The following GABRG3 variants were observed in gnomAD, a reference collection of about 807,000 sequenced individuals.
GABRG3 encodes gamma-aminobutyric acid type A receptor subunit gamma3.
A neutral mutation model predicts 48.8 loss-of-function variants in GABRG3; 25 were observed. The observed-to-expected ratio is 0.51, with a 90% CI of 0.37 to 0.72. The LOEUF is 0.72. GABRG3 is among the 30% of genes least tolerant of loss of function. The probability of loss-of-function intolerance (pLI) is 0.00; values close to 1 mark genes in which losing one functional copy is unlikely to be tolerated. For synonymous variants in GABRG3, 227 were observed against 217.6 expected (o/e 1.04, Z -0.38); for missense variants, 394 against 577.9 (o/e 0.68, Z 3.26).
chr15:27,449,343 G>T (rs1366003237), intron 5 of GABRG3, among the ~76,000 whole-genome samples: 1 of 152,120 alleles, frequency 6.6e-6, no homozygotes, highest in African/African-American at 2.4e-5. Context: ...GAAGCCCGGA[G>T]AATTCAATCA....
chr15:27,491,845 C>G (rs1380985123), intron 6 of GABRG3, among the ~76,000 whole-genome samples: 2 of 152,182 alleles, frequency 1.3e-5, no homozygotes, highest in African/African-American at 4.8e-5. Flanking sequence ...TCCCTGTAGT[C>G]GTACTTCAAA....
chr15:26,987,924 A>C (rs560570175), intron 2 of GABRG3, among the ~76,000 whole-genome samples: 1 of 152,286 alleles, frequency 6.6e-6, no homozygotes, highest in Non-Finnish European at 1.5e-5. Flanking sequence ...TGACCAATGT[A>C]GTATTTAGTG....
At position 27,077,778 on chromosome 15, in the gene GABRG3, G is replaced by C. The variant is rs181961959; in HGVS notation, c.270+50957G>C. Among the ~76,000 whole-genome samples the C allele has an allele frequency of 2.0e-5, 3 of 152,302 alleles. No individual in the cohort carries two copies. In the East Asian group the frequency reaches 5.8e-4, roughly 29 times the overall value. The stretch of plus-strand genomic sequence containing the variant: ...AGATTACTCTGGAAATGAAAGGAAG[G>C]ACTTTTTTTCTCTCTTGTCCTAAAC... On this transcript the variant is annotated intron_variant, in intron 3 of 9. Coordinates refer to ENST00000615808, the MANE Select transcript of GABRG3 (RefSeq NM_033223.5).
chr15:27,313,179 C>CATAT (rs370992378), intron 3 of GABRG3, among the ~76,000 whole-genome samples: 1 of 132,154 alleles, frequency 7.6e-6, no homozygotes, highest in East Asian at 2.2e-4. Flanking sequence ...TCAGCAGAAA[C>CATAT]ATATATATAT....
intron 3 of GABRG3, among the ~76,000 whole-genome samples, chr15:27,323,140 G>T (rs530068532): frequency 2.0e-5 from 3 of 152,288 alleles, no homozygotes; most frequent in African/African-American, 7.2e-5. Context: ...GTCACTCTTT[G>T]CCTTACCCTG....
intron 3 of GABRG3, among the ~76,000 whole-genome samples, chr15:27,135,911 AAAAC>A (rs1405809021): frequency 2.0e-5 from 3 of 152,200 alleles, no homozygotes; most frequent in Non-Finnish European, 4.4e-5. Context: ...TCTCCAAAAC[AAAAC>A]AAACAAAAAA....
intron 3 of GABRG3, among the ~76,000 whole-genome samples, chr15:27,279,494 C>G (rs1891364566): frequency 1.3e-5 from 2 of 152,164 alleles, no homozygotes; most frequent in African/African-American, 4.8e-5. Flanking sequence ...TATCCAAGTG[C>G]TCCAGCACCA....
chr15:27,050,178 A>G (rs1406161125), intron 3 of GABRG3, among the ~76,000 whole-genome samples: 1 of 152,238 alleles, frequency 6.6e-6, no homozygotes, highest in Non-Finnish European at 1.5e-5. Flanking sequence ...GGACTGAGAT[A>G]GTCTCCACAT....
intron 3 of GABRG3, among the ~76,000 whole-genome samples, chr15:27,268,925 C>T (rs1229402232): frequency 6.6e-6 from 1 of 152,164 alleles, no homozygotes; most frequent in African/African-American, 2.4e-5. Flanking sequence ...ATAGGGGTCA[C>T]CTCCTTTGAT....
intron 3 of GABRG3, among the ~76,000 whole-genome samples, chr15:27,324,794 G>C (rs944463452): frequency 5.3e-5 from 8 of 152,218 alleles, no homozygotes; most frequent in Non-Finnish European, 7.3e-5. Context: ...CTGCAGGCCA[G>C]CACCTCTCCC....
intron 5 of GABRG3, among the ~76,000 whole-genome samples, chr15:27,408,003 G>C (rs1247940701): frequency 6.6e-6 from 1 of 152,196 alleles, no homozygotes; most frequent in Admixed American, 6.5e-5. Context: ...CACCACTCTG[G>C]TGTGGGATGT....
intron 6 of GABRG3, among the ~76,000 whole-genome samples, chr15:27,519,557 A>G (rs1004074322): frequency 6.6e-6 from 1 of 152,230 alleles, no homozygotes; most frequent in African/African-American, 2.4e-5. Context: ...GTAAGATATG[A>G]TAGCTTTGTT....
chr15:27,058,183 A>G (rs538207622), intron 3 of GABRG3, among the ~76,000 whole-genome samples: 13 of 152,314 alleles, frequency 8.5e-5, no homozygotes, highest in African/African-American at 2.9e-4. Flanking sequence ...ATCAGAACAC[A>G]TGGATCTTAA....
At chr15:27,074,435 T>G (rs1481166162) in intron 3 of GABRG3, among the ~76,000 whole-genome samples, 1 of 151,814 alleles carries the variant, frequency 6.6e-6, no homozygotes, top group African/African-American at 2.4e-5. Flanking sequence ...TAGAAGCATG[T>G]CTCACACGCT....
At chr15:27,172,015 A>AAC (rs1308081074) in intron 3 of GABRG3, among the ~76,000 whole-genome samples, 1 of 105,488 alleles carries the variant, frequency 9.5e-6, no homozygotes, top group East Asian at 2.3e-4. Flanking sequence ...AACGGGGCCA[A>AAC]ACTTACTTTA....
chr15:27,518,099 C>T (rs1891065799), intron 6 of GABRG3, among the ~76,000 whole-genome samples: 1 of 151,340 alleles, frequency 6.6e-6, no homozygotes, highest in African/African-American at 2.4e-5. Flanking sequence ...GCCTGTAATC[C>T]CAGCACTTTG....
intron 3 of GABRG3, among the ~76,000 whole-genome samples, chr15:27,289,372 A>G (rs1891724594): frequency 6.6e-6 from 1 of 151,814 alleles, no homozygotes; most frequent in African/African-American, 2.4e-5. Context: ...TTCAAACTGG[A>G]TGATCTGTCT....
chr15:27,139,505 C>G (rs1187271025), intron 3 of GABRG3, among the ~76,000 whole-genome samples: 1 of 152,042 alleles, frequency 6.6e-6, no homozygotes, highest in African/African-American at 2.4e-5. Context: ...TCAGAAACAC[C>G]CTCACAAACA....
chr15:27,233,707 A>G (rs1357828834), intron 3 of GABRG3, among the ~76,000 whole-genome samples: 1 of 152,178 alleles, frequency 6.6e-6, no homozygotes, highest in Non-Finnish European at 1.5e-5. Context: ...AGATAGCAGT[A>G]TATGTGACTA....
Sources: gnomAD v4.1 joint callset for allele counts (sites outside exome capture counted in the v4.1 genomes callset) on GRCh38, gnomAD v4.1.1 for gene constraint, MANE v1.5 for transcripts, NCBI Gene and HGNC (gene_info 2026-07-23, HGNC 2026-07-21) for gene names.